Variants in CHRNA1 observed in about 807,000 individuals in gnomAD.
CHRNA1 encodes cholinergic receptor nicotinic alpha 1 subunit, also known as acetylcholine receptor subunit alpha.
In CHRNA1, 35 loss-of-function variants were observed where a neutral mutation model predicts 47.1. The observed-to-expected ratio is 0.74, with a 90% CI of 0.57 to 0.99. CHRNA1 has a LOEUF of 0.99. Ranked by LOEUF, CHRNA1 falls within the 50% of genes least tolerant of loss-of-function variation. The probability of loss-of-function intolerance (pLI) is 0.00; values close to 1 mark genes in which losing one functional copy is unlikely to be tolerated. For synonymous variants in CHRNA1, 229 were observed against 223.6 expected (o/e 1.02, Z -0.22); for missense variants, 506 against 591.1 (o/e 0.86, Z 1.49).
chr2:174,749,875 C>A, intron 7 of CHRNA1, 71 bp downstream of exon 7: 5 of 1,346,152 alleles, frequency 3.7e-6, no homozygotes, highest in Middle Eastern at 2.4e-4. Context: ...AGCTAGAAAC[C>A]CACTGGCTCC....
intron 4 of CHRNA1, 137 bp from the exon 5 acceptor site, chr2:174,754,551 T>A (rs1683935129): frequency 1.3e-6 from 1 of 758,020 alleles, no homozygotes; most frequent in Non-Finnish European, 2.3e-6. Flanking sequence ...AGCGTCACTT[T>A]TTATCTATTG....
chr2:174,759,908 G>A (rs1280229724), intron 1 of CHRNA1, among the ~76,000 whole-genome samples: 2 of 148,138 alleles, frequency 1.4e-5, no homozygotes, highest in Admixed American at 1.4e-4. Context: ...CATACAGCCT[G>A]GCTGAATCAA....
chr2:174,752,279 A>C (rs1184243986), intron 6 of CHRNA1, among the ~76,000 whole-genome samples: 1 of 152,064 alleles, frequency 6.6e-6, no homozygotes, highest in Non-Finnish European at 1.5e-5. Context: ...TTTGTTTAAA[A>C]ACAAGTGCAG....
At chr2:174,758,822 A>C (rs978418679) in intron 3 of CHRNA1, among the ~76,000 whole-genome samples, 13 of 152,204 alleles carry the variant, frequency 8.5e-5, no homozygotes, top group African/African-American at 2.9e-4. Flanking sequence ...AGTCATTAAA[A>C]TAGACTGTCA....
intron 7 of CHRNA1, 89 bp from the exon 8 acceptor site, chr2:174,748,908 G>T: frequency 1.3e-6 from 2 of 1,553,118 alleles, no homozygotes; most frequent in Non-Finnish European, 1.7e-6. Flanking sequence ...GTGATTTGGG[G>T]TAAGTCATTC....
chr2:174,755,155 G>A (rs2105349015), intron 4 of CHRNA1, among the ~76,000 whole-genome samples: 1 of 152,212 alleles, frequency 6.6e-6, no homozygotes, highest in South Asian at 2.1e-4. Context: ...AAAGTGCTAG[G>A]ATTACAGGAG....
chr2:174,749,269 C>G (rs922330270), intron 7 of CHRNA1, among the ~76,000 whole-genome samples: 1 of 152,182 alleles, frequency 6.6e-6, no homozygotes, highest in Admixed American at 6.5e-5. Flanking sequence ...ACAGGTATTG[C>G]CAGCAGTCAT....
chr2:174,755,425 CTTT>C (rs1177284296), intron 4 of CHRNA1, among the ~76,000 whole-genome samples: 1 of 142,898 alleles, frequency 7.0e-6, no homozygotes, highest in African/African-American at 2.6e-5. Context: ...GATTTTTTTT[CTTT>C]TTTTTTTTTG....
intron 1 of CHRNA1, among the ~76,000 whole-genome samples, chr2:174,761,605 T>C (rs981759682): frequency 6.6e-6 from 1 of 152,234 alleles, no homozygotes; most frequent in African/African-American, 2.4e-5. Flanking sequence ...AAGAGCCACC[T>C]CACCCGGCTA....
At chr2:174,748,325 G>T in intron 8 of CHRNA1, 70 bp from the exon 9 acceptor site, 3 of 1,603,292 alleles carry the variant, frequency 1.9e-6, no homozygotes, top group Non-Finnish European at 1.7e-6. Context: ...TTTGTGCTTT[G>T]CATCAACTAT....
At chr2:174,762,556 C>T (rs935652897) in intron 1 of CHRNA1, among the ~76,000 whole-genome samples, 2 of 152,118 alleles carry the variant, frequency 1.3e-5, no homozygotes, top group Admixed American at 6.5e-5. Flanking sequence ...TTCTTCCTAC[C>T]CTCATGGAGA....
rs5836472 is a variant in CHRNA1 at position 174,759,929 on chromosome 2, T to TACACAC, written c.44-302_44-297dup. On this transcript the variant is annotated intron_variant, in intron 1 of 8. Coordinates refer to ENST00000348749, the MANE Select transcript of CHRNA1 (RefSeq NM_000079.4). ...GCCTGGCTGAATCAAGTTTGCCAGG[T>TACACAC]ACACACACACACACACACACACACA... is the stretch of plus-strand genomic sequence containing the variant. 0.07 allele frequency among the ~76,000 whole-genome samples: 10,102 copies of TACACAC among 144,006 alleles called. 390 individuals are homozygous for TACACAC. Among genetic ancestry groups the TACACAC allele is most frequent in the African/African-American group, 0.11 (3,973 of 37,806 alleles). The allele number at this position is 144,006 out of a possible 152,430, so 94.5% of individuals were successfully genotyped here. A position where few individuals can be genotyped will look rare whatever the true frequency, so the allele number is the denominator to read the frequency against.
intron 6 of CHRNA1, among the ~76,000 whole-genome samples, chr2:174,751,292 T>G (rs1486502484): frequency 6.6e-6 from 1 of 152,120 alleles, no homozygotes; most frequent in African/African-American, 2.4e-5. Context: ...TTTGTGAGGC[T>G]TGACCACCTT....
intron 5 of CHRNA1, among the ~76,000 whole-genome samples, 163 bp from the exon 6 acceptor site, chr2:174,753,903 A>C (rs950898048): frequency 2.0e-5 from 3 of 152,196 alleles, no homozygotes; most frequent in African/African-American, 7.2e-5. Context: ...TGCCTTTCCT[A>C]TGACATAAGG....
Position 174,749,939 on chromosome 2 carries a change from C to G in CHRNA1, c.1002+7G>C. On this transcript the variant is annotated splice_region_variant and intron_variant, in intron 7 of 8. Transcript: ENST00000348749. ...CGTGTGAAGTCTGCAGGGGCCTCCC[C>G]ACTCACCTTCCGCACCCAGTTGGGC... is the stretch of plus-strand genomic sequence containing the variant. 1 of 1,613,150 alleles carries G rather than the reference C, an allele frequency of 6.2e-7. No individual in the cohort carries two copies. The highest frequency in any genetic ancestry group is 8.5e-7 in the Non-Finnish European group (1 of 1,179,424).
At chr2:174,751,501 C>T (rs1223425953) in intron 6 of CHRNA1, among the ~76,000 whole-genome samples, 9 of 152,020 alleles carry the variant, frequency 5.9e-5, no homozygotes, top group Non-Finnish European at 2.9e-5. Context: ...TCAATTCTAC[C>T]TGGTGGGTAG....
chr2:174,748,498 T>C, intron 8 of CHRNA1, 82 bp downstream of exon 8: 1 of 1,545,194 alleles, frequency 6.5e-7, no homozygotes, highest in Non-Finnish European at 8.7e-7. Flanking sequence ...TGCCACCTAC[T>C]TGTTAAGTCA....
Position 174,748,095 on chromosome 2 carries a change from G to A in CHRNA1, c.*29C>T, listed in dbSNP as rs966463801. The A allele has an allele frequency of 4.3e-6, 7 of 1,613,282 alleles. No individual in the cohort carries two copies. Among genetic ancestry groups the A allele is most frequent in the Non-Finnish European group, 5.1e-6 (6 of 1,179,766 alleles). On this transcript the variant is annotated 3_prime_UTR_variant, in exon 9 of 9. Coordinates refer to ENST00000348749, the MANE Select transcript of CHRNA1 (RefSeq NM_000079.4). ...CCTTCTCTGCTCTGGTAGGTTCCAG[G>A]GCAGAGCTAAGCTCAGCTCATTTTC...
chr2:174,750,192 A>T (rs774399742), intron 6 of CHRNA1, 23 bp from the exon 7 acceptor site: 1 of 1,598,026 alleles, frequency 6.3e-7, no homozygotes, highest in Non-Finnish European at 8.6e-7. Context: ...AAAAAAAAAA[A>T]AAAAATCCCA....
Sources: allele counts gnomAD v4.1 joint callset (sites outside exome capture counted in the v4.1 genomes callset), GRCh38; gene constraint gnomAD v4.1.1; transcripts MANE v1.5; gene names NCBI Gene and HGNC (gene_info 2026-07-23, HGNC 2026-07-21).